The following DIAPH2 variants were observed in gnomAD, a reference collection of about 807,000 sequenced individuals.
The protein encoded by DIAPH2 is diaphanous related formin 2.
DIAPH2 carries 35 observed loss-of-function variants against 92.7 expected under a neutral mutation model. The ratio of observed to expected loss-of-function variants is 0.38; its 90% confidence interval spans 0.29 to 0.50. The LOEUF is 0.50. DIAPH2 is among the 20% of genes least tolerant of loss of function. The pLI, the probability that DIAPH2 is intolerant of heterozygous loss-of-function variation, is 0.94. For missense variants in DIAPH2, 701 were observed against 819.5 expected (o/e 0.86, Z 1.77); for synonymous variants, 301 against 280.4 (o/e 1.07, Z -0.73).
intron 26 of DIAPH2, among the ~76,000 whole-genome samples, chrX:97,488,880 G>C (rs1274512805): frequency 8.9e-6 from 1 of 111,863 alleles, no homozygotes; most frequent in Non-Finnish European, 1.9e-5. Context: ...ATAAGGAAGT[G>C]TGGCGAATCC....
chrX:97,402,348 G>T (rs1237248414), intron 25 of DIAPH2, among the ~76,000 whole-genome samples: 6 of 110,903 alleles, frequency 5.4e-5, no homozygotes, highest in African/African-American at 9.8e-5. Context: ...GGTAGATAAT[G>T]AGTTGGATAA....
chrX:96,759,805 G>T (rs2064256586), intron 4 of DIAPH2, among the ~76,000 whole-genome samples: 1 of 111,503 alleles, frequency 9.0e-6, no homozygotes, highest in South Asian at 3.7e-4. Flanking sequence ...GACCTTTTGA[G>T]TATTACATGA....
intron 26 of DIAPH2, among the ~76,000 whole-genome samples, chrX:97,467,773 G>T (rs959122101): frequency 8.0e-5 from 9 of 111,988 alleles, no homozygotes; most frequent in African/African-American, 2.3e-4. Context: ...GAGACCATGG[G>T]GATACACAAT....
At chrX:97,329,575 G>A (rs947203455) in intron 23 of DIAPH2, among the ~76,000 whole-genome samples, 2 of 110,821 alleles carry the variant, frequency 1.8e-5, no homozygotes, top group Admixed American at 9.7e-5. Context: ...TTTTCTCTAC[G>A]TCTGAAAGTC....
At chrX:96,828,198 GTATA>G (rs2064827807) in intron 4 of DIAPH2, among the ~76,000 whole-genome samples, 1 of 112,209 alleles carries the variant, frequency 8.9e-6, no homozygotes, top group Non-Finnish European at 1.9e-5. Flanking sequence ...GGAGGTCAGT[GTATA>G]TGGACCCAGT....
At chrX:97,514,796 G>T (rs1299347254) in intron 26 of DIAPH2, among the ~76,000 whole-genome samples, 34 of 110,347 alleles carry the variant, frequency 3.1e-4, no homozygotes, top group African/African-American at 1.0e-3. Context: ...GCCCCTGCTG[G>T]AGGGTGCCTC....
chrX:97,594,279 C>A (rs1405537020), intron 26 of DIAPH2, among the ~76,000 whole-genome samples: 1 of 111,196 alleles, frequency 9.0e-6, no homozygotes, highest in African/African-American at 3.3e-5. Context: ...ATTGGCTGTC[C>A]CCCACAAAGA....
intron 17 of DIAPH2, among the ~76,000 whole-genome samples, chrX:97,000,039 A>G (rs778292990): frequency 3.4e-4 from 38 of 111,885 alleles, no homozygotes; most frequent in Non-Finnish European, 7.0e-4. Context: ...TTTCTTTATA[A>G]ATTAGCCAGT....
At chrX:97,561,546 A>G (rs369417400) in intron 26 of DIAPH2, among the ~76,000 whole-genome samples, 45 of 112,581 alleles carry the variant, frequency 4.0e-4, no homozygotes, top group East Asian at 3.6e-3. Context: ...CCTATTTGGC[A>G]TCACTAATCA....
At chrX:97,154,695 A>T (rs1243376870) in intron 22 of DIAPH2, among the ~76,000 whole-genome samples, 5 of 111,497 alleles carry the variant, frequency 4.5e-5, no homozygotes, top group African/African-American at 1.6e-4. Context: ...CCACATCTTT[A>T]TTTAACGCTA....
At chrX:96,806,755 T>G (rs779916821) in intron 4 of DIAPH2, among the ~76,000 whole-genome samples, 9 of 108,651 alleles carry the variant, frequency 8.3e-5, no homozygotes, top group Non-Finnish European at 1.7e-4. Flanking sequence ...TTTTTTTTTT[T>G]TTTGAGACGG....
chrX:97,049,559 G>A (rs1010230040), intron 17 of DIAPH2, among the ~76,000 whole-genome samples: 5 of 111,150 alleles, frequency 4.5e-5, no homozygotes, highest in African/African-American at 1.6e-4. Context: ...TACTCAAGGT[G>A]TGGTAGTTCT....
intron 24 of DIAPH2, among the ~76,000 whole-genome samples, chrX:97,351,303 C>G (rs1422962778): frequency 1.8e-5 from 2 of 112,377 alleles, no homozygotes; most frequent in Non-Finnish European, 3.8e-5. Flanking sequence ...TCTGACTATC[C>G]TTTCCATTAA....
intron 3 of DIAPH2, among the ~76,000 whole-genome samples, chrX:96,750,099 C>T (rs2064178183): frequency 1.0e-5 from 1 of 98,618 alleles, no homozygotes; most frequent in Non-Finnish European, 2.0e-5. Flanking sequence ...ACTCTGTCAC[C>T]CAGGCTGGAG....
intron 15 of DIAPH2, among the ~76,000 whole-genome samples, chrX:96,951,398 ATTTC>A (rs1420713441): frequency 3.6e-5 from 4 of 111,638 alleles, no homozygotes; most frequent in African/African-American, 1.3e-4. Flanking sequence ...TGCCTGCTCT[ATTTC>A]TTCTGCTAGA....
intron 4 of DIAPH2, among the ~76,000 whole-genome samples, chrX:96,865,566 A>G (rs1445852674): frequency 8.9e-6 from 1 of 112,043 alleles, no homozygotes; most frequent in Non-Finnish European, 1.9e-5. Flanking sequence ...GGAGGGCATC[A>G]GATGAAGTTG....
intron 22 of DIAPH2, among the ~76,000 whole-genome samples, chrX:97,224,990 C>G (rs1164787147): frequency 1.8e-5 from 2 of 111,113 alleles, no homozygotes; most frequent in Non-Finnish European, 3.8e-5. Context: ...TACTTCTGCT[C>G]TCAACATTTG....
intron 4 of DIAPH2, among the ~76,000 whole-genome samples, chrX:96,807,976 A>AAAAAAAAAAAAAAAAT (rs2064642400): frequency 1.1e-5 from 1 of 92,205 alleles, no homozygotes; most frequent in Non-Finnish European, 2.2e-5. Context: ...AAAAAAAAAA[A>AAAAAAAAAAAAAAAAT]AAAAAAAGTC....
intron 1 of DIAPH2, among the ~76,000 whole-genome samples, chrX:96,732,270 T>C (rs1241323714): frequency 2.7e-5 from 3 of 112,013 alleles, no homozygotes; most frequent in Non-Finnish European, 5.6e-5. Context: ...AATGATTTCG[T>C]TTTGTTTGCA....
Sources: gnomAD v4.1 joint callset for allele counts (sites outside exome capture counted in the v4.1 genomes callset) on GRCh38, gnomAD v4.1.1 for gene constraint, MANE v1.5 for transcripts, NCBI Gene and HGNC (gene_info 2026-07-23, HGNC 2026-07-21) for gene names.